MGAT4C: variants seen among roughly 807,000 people sequenced by gnomAD.
MGAT4C encodes the protein MGAT4 family member C.
MGAT4C carries 19 observed loss-of-function variants against 40.1 expected under a neutral mutation model. That is an observed-to-expected ratio of 0.47 (90% CI 0.33 to 0.70). The LOEUF (loss-of-function observed/expected upper bound fraction) is 0.70, where lower values mean the gene tolerates loss of function less well. Ranked by LOEUF, MGAT4C falls within the 30% of genes least tolerant of loss-of-function variation. The pLI, the probability that MGAT4C is intolerant of heterozygous loss-of-function variation, is 0.02. For synonymous variants in MGAT4C, 181 were observed against 187.1 expected (o/e 0.97, Z 0.27); for missense variants, 491 against 563.2 (o/e 0.87, Z 1.30).
intron 1 of MGAT4C, among the ~76,000 whole-genome samples, chr12:86,829,342 C>T (rs1236459939): frequency 6.6e-6 from 1 of 151,420 alleles, no homozygotes; most frequent in Non-Finnish European, 1.5e-5. Flanking sequence ...TACATCCTTC[C>T]AAGCCTCTAA....
At chr12:86,506,717 G>A (rs1198445339) in intron 2 of MGAT4C, among the ~76,000 whole-genome samples, 1 of 152,120 alleles carries the variant, frequency 6.6e-6, no homozygotes, top group African/African-American at 2.4e-5. Flanking sequence ...AAGAAATGCA[G>A]AATTAGTCTA....
chr12:86,776,015 G>A (rs973568120), intron 1 of MGAT4C, among the ~76,000 whole-genome samples: 1 of 151,864 alleles, frequency 6.6e-6, no homozygotes, highest in Non-Finnish European at 1.5e-5. Context: ...TCAGAAATTT[G>A]CATATAAAAT....
chr12:86,629,504 T>G (rs1962950922), intron 2 of MGAT4C, among the ~76,000 whole-genome samples: 1 of 152,110 alleles, frequency 6.6e-6, no homozygotes, highest in Non-Finnish European at 1.5e-5. Context: ...TAGTTGGAAG[T>G]AAAGCTCTCC....
intron 1 of MGAT4C, among the ~76,000 whole-genome samples, chr12:86,225,597 A>G (rs1161572694): frequency 6.6e-6 from 1 of 152,134 alleles, no homozygotes; most frequent in Admixed American, 6.5e-5. Context: ...ACAATGCACC[A>G]TGATAAAGTG....
chr12:85,965,871 G>A lies in MGAT4C; in HGVS notation c.*13418C>T, dbSNP rs1414471980. The A allele has an allele frequency of 1.3e-5, 2 of 151,978 alleles. No individual in the cohort carries two copies. The highest frequency in any genetic ancestry group is 2.9e-5 in the Non-Finnish European group (2 of 67,984). The allele number at this position is 151,978 out of a possible 1,614,324, so 9.4% of individuals were successfully genotyped here. On this transcript the variant is annotated 3_prime_UTR_variant, in exon 5 of 5. Transcript: ENST00000611864. ...ATCTGTATTATTTCTCCATTTAAAA[G>A]TGGACAAATTTTTATACTATATCCT...
intron 2 of MGAT4C, among the ~76,000 whole-genome samples, chr12:86,584,375 C>T (rs1248606731): frequency 6.6e-6 from 1 of 150,522 alleles, no homozygotes; most frequent in Non-Finnish European, 1.5e-5. Flanking sequence ...TCATTGATGC[C>T]ACAGTCTCTA....
chr12:86,080,935 C>T (rs1870722303), intron 1 of MGAT4C, among the ~76,000 whole-genome samples: 1 of 151,988 alleles, frequency 6.6e-6, no homozygotes, highest in African/African-American at 2.4e-5. Context: ...AATACATTTT[C>T]AAAAGAAATT....
At chr12:86,220,627 T>G (rs979035375) in intron 1 of MGAT4C, among the ~76,000 whole-genome samples, 2 of 152,168 alleles carry the variant, frequency 1.3e-5, no homozygotes, top group African/African-American at 4.8e-5. Flanking sequence ...CCATCTGTTT[T>G]GCCTCTCTAG....
intron 2 of MGAT4C, among the ~76,000 whole-genome samples, chr12:86,477,563 C>T (rs1010519885): frequency 2.0e-5 from 3 of 151,968 alleles, no homozygotes; most frequent in East Asian, 1.9e-4. Flanking sequence ...GAAAGAAAAA[C>T]GCAGATAAAA....
At chr12:86,273,058 C>A (rs1162122555) in intron 4 of MGAT4C, among the ~76,000 whole-genome samples, 1 of 151,818 alleles carries the variant, frequency 6.6e-6, no homozygotes, top group Non-Finnish European at 1.5e-5. Context: ...TTTTGGAGTC[C>A]TTTAAACTGG....
intron 1 of MGAT4C, among the ~76,000 whole-genome samples, chr12:86,154,804 T>A (rs1377101260): frequency 6.6e-6 from 1 of 152,230 alleles, no homozygotes; most frequent in Non-Finnish European, 1.5e-5. Flanking sequence ...TTTTTCATTT[T>A]ATCTACAATT....
At chr12:86,550,770 A>G (rs185480702) in intron 2 of MGAT4C, among the ~76,000 whole-genome samples, 197 of 152,156 alleles carry the variant, frequency 1.3e-3, no homozygotes, top group African/African-American at 4.6e-3. Context: ...TAGCCAAACC[A>G]CTGTACACCC....
chr12:86,228,903 TA>T (rs1951205478), intron 1 of MGAT4C, among the ~76,000 whole-genome samples: 1 of 151,860 alleles, frequency 6.6e-6, no homozygotes, highest in Admixed American at 6.6e-5. Flanking sequence ...TACTAGCTGG[TA>T]AATGTTATCT....
At chr12:86,455,734 A>T (rs1957498633) in intron 2 of MGAT4C, among the ~76,000 whole-genome samples, 1 of 152,148 alleles carries the variant, frequency 6.6e-6, no homozygotes, top group Non-Finnish European at 1.5e-5. Context: ...GTAGGCAAAA[A>T]TGTGGGATAA....
intron 2 of MGAT4C, among the ~76,000 whole-genome samples, chr12:86,451,010 T>C (rs1162705099): frequency 6.6e-6 from 1 of 152,136 alleles, no homozygotes; most frequent in Non-Finnish European, 1.5e-5. Flanking sequence ...TATATCAGTC[T>C]TATTTGGTTC....
At chr12:86,489,479 G>T (rs569414843) in intron 2 of MGAT4C, among the ~76,000 whole-genome samples, 1 of 152,194 alleles carries the variant, frequency 6.6e-6, no homozygotes, top group African/African-American at 2.4e-5. Context: ...GAGGGCAGCT[G>T]CCCCAAACTA....
upstream of MGAT4C, among the ~76,000 whole-genome samples, chr12:86,256,903 G>A (rs1952535935): frequency 6.6e-6 from 1 of 152,038 alleles, no homozygotes; most frequent in Non-Finnish European, 1.5e-5. Context: ...GCAGCCATTT[G>A]TTTTTAAATC....
At chr12:86,558,942 T>C (rs1247031190) in intron 2 of MGAT4C, among the ~76,000 whole-genome samples, 2 of 151,684 alleles carry the variant, frequency 1.3e-5, no homozygotes, top group Non-Finnish European at 2.9e-5. Flanking sequence ...TAAAAAACAA[T>C]GCGCCAACTA....
At chr12:86,072,023 GTT>G (rs1491466408) in intron 1 of MGAT4C, among the ~76,000 whole-genome samples, 1 of 72,518 alleles carries the variant, frequency 1.4e-5, no homozygotes, top group Non-Finnish European at 2.5e-5. Flanking sequence ...AATGCATAGG[GTT>G]TTGTGTGTGT....
Sources: gnomAD v4.1 joint callset for allele counts (sites outside exome capture counted in the v4.1 genomes callset) on GRCh38, gnomAD v4.1.1 for gene constraint, MANE v1.5 for transcripts, NCBI Gene and HGNC (gene_info 2026-07-23, HGNC 2026-07-21) for gene names.